CBFB: variants seen among roughly 807,000 people sequenced by gnomAD.
CBFB encodes CBF-beta.
A neutral mutation model predicts 30.4 loss-of-function variants in CBFB; 9 were observed. The ratio of observed to expected loss-of-function variants is 0.30; its 90% CI spans 0.18 to 0.52. CBFB has a LOEUF of 0.52. Among genes scored for constraint, CBFB ranks in the 20% least tolerant of loss-of-function variants. The pLI is 0.97. For missense variants in CBFB, 170 were observed against 244.0 expected (o/e 0.70, Z 2.02); for synonymous variants, 94 against 84.0 (o/e 1.12, Z -0.65).
intron 3 of CBFB, among the ~76,000 whole-genome samples, chr16:67,053,754 T>C (rs969511468): frequency 6.6e-6 from 1 of 151,880 alleles, no homozygotes; most frequent in Non-Finnish European, 1.5e-5. Context: ...GCTCACCGTG[T>C]GCCGGAGATG....
At chr16:67,083,370 A>C (rs1961626503) in intron 5 of CBFB, among the ~76,000 whole-genome samples, 1 of 149,282 alleles carries the variant, frequency 6.7e-6, no homozygotes. Context: ...ATCTCGGCTC[A>C]CTGCAGCCTC....
intron 3 of CBFB, among the ~76,000 whole-genome samples, chr16:67,060,928 A>G (rs889728039): frequency 1.3e-5 from 2 of 152,178 alleles, no homozygotes; most frequent in African/African-American, 4.8e-5. Context: ...TTCAAGGTTC[A>G]TTCTGTGTTG....
At chr16:67,030,487 C>T (rs1315119589) in intron 2 of CBFB, among the ~76,000 whole-genome samples, 1 of 151,786 alleles carries the variant, frequency 6.6e-6, no homozygotes, top group African/African-American at 2.4e-5. Flanking sequence ...CTTCACCAGA[C>T]CTTGGGTTGA....
chr16:67,085,000 T>C (rs550324634), intron 5 of CBFB, among the ~76,000 whole-genome samples: 1 of 152,358 alleles, frequency 6.6e-6, no homozygotes, highest in South Asian at 2.1e-4. Flanking sequence ...TTAGCGTATG[T>C]GCCACTGACT....
At chr16:67,047,732 G>C (rs1045818276) in intron 3 of CBFB, among the ~76,000 whole-genome samples, 5 of 151,984 alleles carry the variant, frequency 3.3e-5, no homozygotes, top group Admixed American at 1.3e-4. Context: ...TTTTAGTCCT[G>C]AGTTTCTATC....
chr16:67,034,590 T>C (rs903252809), intron 2 of CBFB, among the ~76,000 whole-genome samples: 3 of 152,336 alleles, frequency 2.0e-5, no homozygotes, highest in Non-Finnish European at 2.9e-5. Context: ...GAGGGATCTT[T>C]ATGAGATAAT....
At chr16:67,059,869 C>T (rs1351285624) in intron 3 of CBFB, among the ~76,000 whole-genome samples, 2 of 152,126 alleles carry the variant, frequency 1.3e-5, no homozygotes, top group Non-Finnish European at 2.9e-5. Flanking sequence ...GCTGGAATCC[C>T]ATATGTAACT....
chr16:67,085,489 CT>C (rs1567623372), intron 5 of CBFB, among the ~76,000 whole-genome samples: 3 of 20,334 alleles, frequency 1.5e-4, no homozygotes, highest in East Asian at 1.0e-3. Flanking sequence ...AATTTAATAT[CT>C]TTTTTTTGGG....
chr16:67,061,374 A>G (rs1960906939), intron 3 of CBFB, among the ~76,000 whole-genome samples: 1 of 152,230 alleles, frequency 6.6e-6, no homozygotes, highest in Non-Finnish European at 1.5e-5. Flanking sequence ...TTCTAGGACA[A>G]TGGGTTTAAT....
chr16:67,099,611 G>A lies in CBFB; in HGVS notation c.*833G>A, dbSNP rs1333411905. On this transcript the variant is annotated 3_prime_UTR_variant, in exon 6 of 6. Coordinates refer to ENST00000412916, the MANE Select transcript of CBFB (RefSeq NM_022845.3). ...CCTAGATTGTTTTAGCTTCTGTTCT[G>A]TAATCATGAGTTTGGTTGGAGATAT... is the stretch of plus-strand genomic sequence containing the variant. 1.5e-5 allele frequency: 3 copies of A among 201,780 alleles called. No individual in the cohort carries two copies. Among genetic ancestry groups the A allele is most frequent in the Non-Finnish European group, 3.1e-5 (3 of 98,018 alleles). 12.5% of individuals were successfully genotyped at this position (201,780 alleles called of 1,614,324 possible).
intron 3 of CBFB, among the ~76,000 whole-genome samples, chr16:67,065,935 G>A (rs2145749900): frequency 6.6e-6 from 1 of 152,252 alleles, no homozygotes; most frequent in East Asian, 1.9e-4. Context: ...ATAAAGGATA[G>A]CAGTGTTTTG....
chr16:67,081,833 C>CTTTTTTTTTTTTTTTTCT (rs564426777), intron 4 of CBFB, among the ~76,000 whole-genome samples: 1 of 143,078 alleles, frequency 7.0e-6, no homozygotes, highest in Non-Finnish European at 1.5e-5. Flanking sequence ...TTTTTTTTTT[C>CTTTTTTTTTTTTTTTTCT]TTTTTTTTTC....
chr16:67,029,433 G>A lies in CBFB; in HGVS notation c.26G>A (p.Arg9Lys), dbSNP rs201510751. 1.0e-4 allele frequency: 158 copies of A among 1,587,248 alleles called. No individual in the cohort carries two copies. The highest frequency in any genetic ancestry group is 3.3e-4 in the East Asian group (14 of 42,142). ...ATGCCGCGCGTCGTGCCCGACCAGAGAAGCAAGTTCGAGAACGAGGAGTTT... is the reference window on the plus strand; with the variant it reads ...ATGCCGCGCGTCGTGCCCGACCAGAAAAGCAAGTTCGAGAACGAGGAGTTT... MPRVVPDQ[R>K]SKFENEEFFR... Residue 9 changes from arginine to lysine, a missense_variant, in exon 1 of 6, where the codon AGA becomes AAA. Physicochemically the swap from Arg to Lys is conservative, Grantham distance 26. Transcript: ENST00000412916.
intron 5 of CBFB, among the ~76,000 whole-genome samples, chr16:67,092,828 T>C (rs1961936300): frequency 6.8e-6 from 1 of 146,802 alleles, no homozygotes; most frequent in South Asian, 2.2e-4. Context: ...TTCTCCTGCC[T>C]CAGCCTCCCG....
At chr16:67,029,581 G>T in intron 1 of CBFB, 96 bp downstream of exon 1, 1 of 1,369,054 alleles carries the variant, frequency 7.3e-7, no homozygotes, top group Non-Finnish European at 9.9e-7. Context: ...GGGAGTCCCG[G>T]TCGGTGCGCC....
chr16:67,029,938 C>A, intron 2 of CBFB, 125 bp downstream of exon 2: 1 of 551,940 alleles, frequency 1.8e-6, no homozygotes, highest in Non-Finnish European at 3.0e-6. Flanking sequence ...CGTCTCACTT[C>A]CTACTCGGGA....
At chr16:67,052,056 C>T (rs1960570178) in intron 3 of CBFB, among the ~76,000 whole-genome samples, 1 of 151,942 alleles carries the variant, frequency 6.6e-6, no homozygotes. Flanking sequence ...CAACCTCTGT[C>T]TCCCAGGCTC....
At chr16:67,029,840 C>T (rs1282493654) in intron 2 of CBFB, 27 bp downstream of exon 2, 8 of 1,550,338 alleles carry the variant, frequency 5.2e-6, no homozygotes, top group Non-Finnish European at 7.0e-6. Flanking sequence ...GGGGCGCGCG[C>T]GGGTCACTTG....
At chr16:67,058,034 T>C (rs1960780379) in intron 3 of CBFB, among the ~76,000 whole-genome samples, 1 of 152,236 alleles carries the variant, frequency 6.6e-6, no homozygotes, top group African/African-American at 2.4e-5. Flanking sequence ...ATTTCAGATA[T>C]TTCATTGGAA....
Sources: allele counts gnomAD v4.1 joint callset (sites outside exome capture counted in the v4.1 genomes callset), GRCh38; gene constraint gnomAD v4.1.1; transcripts MANE v1.5; gene names NCBI Gene and HGNC (gene_info 2026-07-23, HGNC 2026-07-21).